The following EPN2 variants were observed in gnomAD, a reference collection of about 807,000 sequenced individuals.
The protein encoded by EPN2 is epsin 2.
A neutral mutation model predicts 61.7 loss-of-function variants in EPN2; 34 were observed. The ratio of observed to expected loss-of-function variants is 0.55; its 90% CI spans 0.42 to 0.73. The LOEUF (loss-of-function observed/expected upper bound fraction) is 0.73, where lower values mean the gene tolerates loss of function less well. Among genes scored for constraint, EPN2 ranks in the 30% least tolerant of loss-of-function variants. The probability of loss-of-function intolerance (pLI) is 0.00; values close to 1 mark genes in which losing one functional copy is unlikely to be tolerated. For missense variants in EPN2, 714 were observed against 839.2 expected (o/e 0.85, Z 1.84); for synonymous variants, 349 against 353.6 (o/e 0.99, Z 0.15).
intron 1 of EPN2, among the ~76,000 whole-genome samples, chr17:19,269,517 TC>T (rs1191674292): frequency 6.6e-6 from 1 of 152,260 alleles, no homozygotes; most frequent in African/African-American, 2.4e-5. Flanking sequence ...GGATGTGAGT[TC>T]TGAAGAACAC....
At chr17:19,299,111 T>C (rs777787121) in intron 4 of EPN2, among the ~76,000 whole-genome samples, 7 of 152,184 alleles carry the variant, frequency 4.6e-5, no homozygotes, top group Non-Finnish European at 1.0e-4. Context: ...AGGAGAGTGC[T>C]CAATTGGGAG....
chr17:19,241,775 C>T (rs1597964074), intron 1 of EPN2, among the ~76,000 whole-genome samples: 1 of 152,076 alleles, frequency 6.6e-6, no homozygotes, highest in Admixed American at 6.6e-5. Context: ...CAACATTTAA[C>T]ATAGGGATTA....
intron 4 of EPN2, among the ~76,000 whole-genome samples, chr17:19,287,228 G>T (rs1027846733): frequency 6.6e-6 from 1 of 151,830 alleles, no homozygotes; most frequent in African/African-American, 2.4e-5. Flanking sequence ...CTTGGATATC[G>T]CTCCCACCAC....
chr17:19,278,752 G>T (rs928723204), intron 1 of EPN2, among the ~76,000 whole-genome samples: 2 of 152,174 alleles, frequency 1.3e-5, no homozygotes, highest in African/African-American at 2.4e-5. Context: ...GGGTTGAAGC[G>T]ATTCTCATGC....
chr17:19,243,439 C>G (rs924269217), intron 1 of EPN2, among the ~76,000 whole-genome samples: 1 of 143,498 alleles, frequency 7.0e-6, no homozygotes, highest in African/African-American at 2.6e-5. Context: ...GTCTCCCAGC[C>G]TGGAGTGCAG....
At chr17:19,319,251 T>C (rs1906535458) in intron 7 of EPN2, among the ~76,000 whole-genome samples, 2 of 152,116 alleles carry the variant, frequency 1.3e-5, no homozygotes, top group African/African-American at 4.8e-5. Flanking sequence ...CTTAAAGATA[T>C]AAACCTATTA....
chr17:19,301,295 C>A (rs4924979), intron 4 of EPN2, among the ~76,000 whole-genome samples: 126,989 of 152,034 alleles, frequency 0.84, 54,038 homozygotes, highest in Non-Finnish European at 0.93. Context: ...CTAATTATAT[C>A]TTCACTAATT....
intron 1 of EPN2, among the ~76,000 whole-genome samples, chr17:19,237,937 G>GGCGCCCCTTCCTCCTGAGCCCA (rs2044836025): frequency 6.6e-6 from 1 of 152,196 alleles, no homozygotes; most frequent in South Asian, 2.1e-4. Flanking sequence ...CCCCGAGCCC[G>GGCGCCCCTTCCTCCTGAGCCCA]GCGCCCCTTC....
intron 1 of EPN2, among the ~76,000 whole-genome samples, chr17:19,241,945 C>T (rs2044888854): frequency 6.6e-6 from 1 of 152,070 alleles, no homozygotes; most frequent in African/African-American, 2.4e-5. Flanking sequence ...AATAGGTATT[C>T]ATTTAAATAA....
At chr17:19,294,903 T>G (rs556894176) in intron 4 of EPN2, among the ~76,000 whole-genome samples, 2 of 152,186 alleles carry the variant, frequency 1.3e-5, no homozygotes, top group African/African-American at 4.8e-5. Context: ...TCTTTATTCA[T>G]GGATGCTCAG....
intron 5 of EPN2, 45 bp downstream of exon 5, chr17:19,310,042 C>CCACCCTG: frequency 7.2e-7 from 1 of 1,387,032 alleles, no homozygotes; most frequent in Non-Finnish European, 1.0e-6. Context: ...TGCCCATGCT[C>CCACCCTG]AGGGTGGAGT....
intron 1 of EPN2, among the ~76,000 whole-genome samples, chr17:19,242,793 G>A: frequency 6.6e-6 from 1 of 152,168 alleles, no homozygotes; most frequent in East Asian, 1.9e-4. Context: ...CCTGGGGGAC[G>A]GCTGATTGTT....
intron 4 of EPN2, among the ~76,000 whole-genome samples, chr17:19,300,629 T>TG (rs2152226281): frequency 6.6e-6 from 1 of 152,160 alleles, no homozygotes; most frequent in Admixed American, 6.5e-5. Flanking sequence ...GGTTTCTCCA[T>TG]GTTGGTCAGG....
In EPN2 at chr17:19,288,175, G is replaced by A. The variant is rs1407451130; in HGVS notation, c.766+2385G>A. On this transcript the variant is annotated intron_variant, in intron 4 of 10. Coordinates refer to ENST00000314728, the MANE Select transcript of EPN2 (RefSeq NM_014964.5). The stretch of plus-strand genomic sequence containing the variant: ...CTCAGTCTGGGGGTCCTCCTGTTCC[G>A]GCGGAAGCATTCCAGACCTTCCCAG... Among the ~76,000 whole-genome samples the A allele has an allele frequency of 3.3e-5, 5 of 152,138 alleles. No individual in the cohort carries two copies. The East Asian group carries it at 5.8e-4, about 18-fold the overall frequency.
At chr17:19,238,108 C>T (rs2044838905) in intron 1 of EPN2, among the ~76,000 whole-genome samples, 1 of 152,224 alleles carries the variant, frequency 6.6e-6, no homozygotes, top group Non-Finnish European at 1.5e-5. Context: ...GGGGACCAGG[C>T]TCCCCACTCC....
chr17:19,318,961 C>T (rs948563697), intron 7 of EPN2, among the ~76,000 whole-genome samples: 12 of 152,084 alleles, frequency 7.9e-5, no homozygotes, highest in African/African-American at 2.7e-4. Context: ...CTTTAGGAGG[C>T]CAAGTTTGGC....
At chr17:19,298,947 T>C (rs1905334730) in intron 4 of EPN2, among the ~76,000 whole-genome samples, 1 of 152,240 alleles carries the variant, frequency 6.6e-6, no homozygotes, top group African/African-American at 2.4e-5. Flanking sequence ...CTTGTTTTTT[T>C]CTTTTTTTAA....
intron 1 of EPN2, among the ~76,000 whole-genome samples, chr17:19,238,132 C>T (rs2044839299): frequency 6.6e-6 from 1 of 152,236 alleles, no homozygotes; most frequent in Non-Finnish European, 1.5e-5. Flanking sequence ...GCCCCCACTC[C>T]CACGGAACAG....
At chr17:19,318,994 C>A (rs1359113579) in intron 7 of EPN2, among the ~76,000 whole-genome samples, 1 of 151,984 alleles carries the variant, frequency 6.6e-6, no homozygotes, top group African/African-American at 2.4e-5. Context: ...GCCAAGAGTT[C>A]GAGACCAGCC....
Sources: allele counts gnomAD v4.1 joint callset (sites outside exome capture counted in the v4.1 genomes callset), GRCh38; gene constraint gnomAD v4.1.1; transcripts MANE v1.5; gene names NCBI Gene and HGNC (gene_info 2026-07-23, HGNC 2026-07-21).